Variants in UBTF observed in about 807,000 individuals in gnomAD.
UBTF encodes upstream binding transcription factor.
A neutral mutation model predicts 112.3 loss-of-function variants in UBTF; 8 were observed. The ratio of observed to expected loss-of-function variants is 0.07; its 90% CI spans 0.04 to 0.13. UBTF has a LOEUF of 0.13. Among genes scored for constraint, UBTF ranks in the 10% least tolerant of loss-of-function variants. The pLI is 1.00. For synonymous variants in UBTF, 417 were observed against 373.1 expected (o/e 1.12, Z -1.36); for missense variants, 457 against 982.1 (o/e 0.47, Z 7.15).
chr17:44,215,580 C>T lies in UBTF; in HGVS notation c.474+74G>A, dbSNP rs552984031. 42 of 1,581,780 alleles carry T rather than the reference C, an allele frequency of 2.7e-5. No homozygotes were observed. The African/African-American group carries it at 5.0e-4, about 19-fold the overall frequency. On this transcript the variant is annotated intron_variant, in intron 5 of 20. Coordinates refer to ENST00000436088, the MANE Select transcript of UBTF (RefSeq NM_014233.4). Reference sequence around the variant, plus strand: ...TGATGCCAGGTTTCTCCAAGGCCTACCTCCAACTGACCCACACCACACCAG... The same window carrying T: ...TGATGCCAGGTTTCTCCAAGGCCTATCTCCAACTGACCCACACCACACCAG...
intron 1 of UBTF, 99 bp from the exon 2 acceptor site, chr17:44,218,395 G>A (rs1356365377): frequency 1.5e-6 from 1 of 676,820 alleles, no homozygotes; most frequent in Non-Finnish European, 2.6e-6. Context: ...TCCACACTCT[G>A]AGAGACTCAG....
upstream of UBTF, among the ~76,000 whole-genome samples, chr17:44,220,049 G>T (rs1184680382): frequency 2.1e-5 from 3 of 141,192 alleles, no homozygotes; most frequent in Non-Finnish European, 3.1e-5. Flanking sequence ...TGGCGGCGGC[G>T]GCGGCTGCTG....
rs2056782622 is a variant in UBTF at position 44,212,820 on chromosome 17, T to C, written c.659A>G (p.Asp220Gly). The change falls in exon 7 of 21, where the codon GAT becomes GGT. Residue 220 changes from aspartate (D) to glycine (G), a missense_variant and splice_region_variant. Around this residue, in one of 7 missense-constraint regions of UBTF, gnomAD observed 87 missense variants for 286.6 expected, o/e 0.30. Transcript: ENST00000436088. ...CCCAACCCTTGGCCGGACACTCACA[T>C]CTGGCCGCACTTTGAGATACACCTT... ...EKKVYLKVRP[D>G]ATTKEVKDSL... 6.2e-7 allele frequency: 1 copy of C among 1,613,860 alleles called. No individual in the cohort carries two copies. The highest frequency in any genetic ancestry group is 8.5e-7 in the Non-Finnish European group (1 of 1,179,910).
intron 1 of UBTF, chr17:44,219,089 C>T (rs1200623366): frequency 6.7e-6 from 1 of 150,234 alleles, no homozygotes; most frequent in Non-Finnish European, 1.5e-5. Flanking sequence ...CCCGCCGGCG[C>T]CCCCGCCCCG....
chr17:44,216,307 G>A, intron 3 of UBTF: 1 of 620,974 alleles, frequency 1.6e-6, no homozygotes, highest in Non-Finnish European at 2.8e-6. Context: ...CACAGCTCAG[G>A]CTGTTTGGCT....
chr17:44,207,141 C>T lies in UBTF; in HGVS notation c.*101G>A. 7.6e-7 allele frequency: 1 copy of T among 1,316,076 alleles called. No individual in the cohort carries two copies. Among genetic ancestry groups the T allele is most frequent in the Non-Finnish European group, 1.0e-6 (1 of 954,416 alleles). 81.5% of individuals were successfully genotyped at this position (1,316,076 alleles called of 1,614,324 possible). Reference sequence around the variant, plus strand: ...AAAGAAAGAAAGAAAGTGGGGGAGGCCAGGGGGGCAAGGGACAGAACATGG... The same window carrying T: ...AAAGAAAGAAAGAAAGTGGGGGAGGTCAGGGGGGCAAGGGACAGAACATGG... On this transcript the variant is annotated 3_prime_UTR_variant, in exon 21 of 21. Coordinates refer to ENST00000436088, the MANE Select transcript of UBTF (RefSeq NM_014233.4).
chr17:44,205,802 A>C lies in UBTF; in HGVS notation c.*1440T>G, dbSNP rs1567780612. The C allele has an allele frequency of 2.0e-5, 3 of 152,262 alleles. No individual in the cohort carries two copies. The highest frequency in any genetic ancestry group is 2.1e-4 in the South Asian group (1 of 4,832). The allele number at this position is 152,262 out of a possible 1,614,324, so 9.4% of individuals were successfully genotyped here. On this transcript the variant is annotated 3_prime_UTR_variant, in exon 21 of 21. Transcript: ENST00000436088. ...ACCCCCCAAATTTAGTCAACAAAAA[A>C]ATAAGAACTACAGAGATAAGGTGGC...
rs2056379497 is a variant in UBTF, at chr17:44,208,018, C to G, written c.1906-107G>C. On this transcript the variant is annotated intron_variant, in intron 17 of 20. Transcript: ENST00000436088. ...GCTGAGCATTTATATATCATCACCC[C>G]ATCTTACCCCTCCCAGGCTCCCTAG... 2.1e-6 allele frequency: 3 copies of G among 1,396,536 alleles called. No homozygotes were observed. The South Asian group carries it at 3.7e-5, about 17-fold the overall frequency. The allele number at this position is 1,396,536 out of a possible 1,614,324, so 86.5% of individuals were successfully genotyped here. A position where few individuals can be genotyped will look rare whatever the true frequency, so the allele number is the denominator to read the frequency against.
Position 44,210,460 on chromosome 17 carries a change from G to A in UBTF, c.1373C>T (p.Ala458Val), listed in dbSNP as rs1307765274. The A allele has an allele frequency of 1.9e-6, 3 of 1,610,096 alleles. No homozygotes were observed. The highest frequency in any genetic ancestry group is 2.5e-6 in the Non-Finnish European group (3 of 1,179,310). Residue 458 changes from alanine to valine, a missense_variant, in exon 14 of 21, where the codon GCC becomes GTC. Physicochemically the swap from Ala to Val is moderately conservative, Grantham distance 64. This residue lies in a region of UBTF where 108 missense variants were observed against 137.4 expected (regional missense o/e 0.79). Transcript: ENST00000436088. The stretch of plus-strand genomic sequence containing the variant: ...CTGAGCCTTGAGCGCCGCCTCTCGG[G>A]CCTTGTACTTGGCCTGCGGGGATGG... ...LSEKKKAKYKAREAALKAQSE... is the reference protein window; with the variant it reads ...LSEKKKAKYKVREAALKAQSE...
chr17:44,209,097 A>G, intron 17 of UBTF: 1 of 280,630 alleles, frequency 3.6e-6, no homozygotes, highest in Admixed American at 5.8e-5. Context: ...TGAACCTGGG[A>G]GGTGGAGGTT....
At chr17:44,218,510 G>A (rs1421367281) in intron 1 of UBTF, 9 of 391,128 alleles carry the variant, frequency 2.3e-5, no homozygotes, top group Admixed American at 5.2e-5. Flanking sequence ...CGCGGCGCGC[G>A]CCCTCCCCTG....
intron 15 of UBTF, among the ~76,000 whole-genome samples, 161 bp from the exon 16 acceptor site, chr17:44,209,894 G>A (rs1011319449): frequency 1.3e-4 from 20 of 152,202 alleles, no homozygotes; most frequent in African/African-American, 4.6e-4. Context: ...CACGTCTGAG[G>A]CAGGCACCAC....
intron 17 of UBTF, 73 bp downstream of exon 17, chr17:44,209,279 T>C: frequency 1.4e-6 from 2 of 1,464,174 alleles, no homozygotes; most frequent in Non-Finnish European, 1.8e-6. Context: ...AGTGGGTGGA[T>C]GGGCCAGGCT....
At chr17:44,213,425 C>T in intron 5 of UBTF, 143 bp from the exon 6 acceptor site, 1 of 846,952 alleles carries the variant, frequency 1.2e-6, no homozygotes, top group African/African-American at 1.7e-5. Context: ...CTGCCCGCCT[C>T]CTGGCGGGAC....
Position 44,212,321 on chromosome 17 carries a change from G to A in UBTF, c.771+23C>T, listed in dbSNP as rs776269030. On this transcript the variant is annotated intron_variant, in intron 8 of 20. Coordinates refer to ENST00000436088, the MANE Select transcript of UBTF (RefSeq NM_014233.4). ...AGAGGCTCGTGAAGAGCCGGACGGG[G>A]AGGAGCGCAGCGGAAGCCTAACCTC... The A allele has an allele frequency of 4.4e-6, 7 of 1,596,456 alleles. No homozygotes were observed. The East Asian group carries it at 1.1e-4, about 25-fold the overall frequency.
intron 15 of UBTF, 83 bp from the exon 16 acceptor site, chr17:44,209,816 G>T: frequency 7.0e-7 from 1 of 1,435,274 alleles, no homozygotes; most frequent in Non-Finnish European, 9.6e-7. Context: ...CAGCACCTTA[G>T]CTGGCTGTCT....
rs776440870 is a variant in UBTF at position 44,207,927 on chromosome 17, G to A, written c.1906-16C>T. ...GAGACAGGCTCTGGGGGAGACAGAA[G>A]CGGCAAGGGTTGGAACATAGCCAAC... On this transcript the variant is annotated splice_polypyrimidine_tract_variant and intron_variant, in intron 17 of 20. Transcript: ENST00000436088. 1.2e-6 allele frequency: 2 copies of A among 1,613,650 alleles called. No individual in the cohort carries two copies. The highest frequency in any genetic ancestry group is 4.5e-5 in the East Asian group (2 of 44,876).
intron 13 of UBTF, 60 bp from the exon 14 acceptor site, chr17:44,210,533 C>CA: frequency 6.7e-7 from 1 of 1,490,592 alleles, no homozygotes; most frequent in Admixed American, 2.6e-5. Context: ...GCGCTCCCCG[C>CA]GCAGCAGCCC....
At chr17:44,218,523 C>T (rs1373628115) in intron 1 of UBTF, 3 of 406,256 alleles carry the variant, frequency 7.4e-6, no homozygotes, top group African/African-American at 6.6e-5. Context: ...CTCCCCTGGC[C>T]ACGCGAGGGC....
Sources: gnomAD v4.1 joint callset for allele counts (sites outside exome capture counted in the v4.1 genomes callset) on GRCh38, gnomAD v4.1.1 for gene constraint, gnomAD v4.1.1 regional missense constraint, MANE v1.5 for transcripts, NCBI Gene and HGNC (gene_info 2026-07-23, HGNC 2026-07-21) for gene names.